MYO9A: variants seen among roughly 807,000 people sequenced by gnomAD.
The protein encoded by MYO9A is myosin IXA.
A neutral mutation model predicts 293.3 loss-of-function variants in MYO9A; 103 were observed. The ratio of observed to expected loss-of-function variants is 0.35; its 90% confidence interval spans 0.30 to 0.41. The LOEUF (loss-of-function observed/expected upper bound fraction) is 0.41, where lower values mean the gene tolerates loss of function less well. MYO9A is among the 10% of genes least tolerant of loss of function. The probability of loss-of-function intolerance (pLI) is 1.00; values close to 1 mark genes in which losing one functional copy is unlikely to be tolerated. For synonymous variants in MYO9A, 1,001 were observed against 1,035.7 expected (o/e 0.97, Z 0.64); for missense variants, 2,685 against 3,033.0 (o/e 0.89, Z 2.69).
At chr15:71,951,555 C>T (rs2059051070) in intron 15 of MYO9A, 1 of 461,410 alleles carries the variant, frequency 2.2e-6, no homozygotes, top group African/African-American at 2.0e-5. Flanking sequence ...ATTAACAATC[C>T]AATGATCACA....
At chr15:72,078,755 A>T (rs568880554) in intron 1 of MYO9A, among the ~76,000 whole-genome samples, 234 of 152,360 alleles carry the variant, frequency 1.5e-3, no homozygotes, top group Non-Finnish European at 3.0e-3. Context: ...AAAGGTGAAT[A>T]AACAAACCCT....
intron 32 of MYO9A, among the ~76,000 whole-genome samples, chr15:71,869,372 A>G (rs147069926): frequency 3.9e-5 from 6 of 152,248 alleles, no homozygotes; most frequent in African/African-American, 1.2e-4. Context: ...TCTGAATCTA[A>G]TCATGAGGAA....
Position 72,094,991 on chromosome 15 carries a change from T to C in MYO9A, c.-72+22689A>G, listed in dbSNP as rs1460072311. Among the ~76,000 whole-genome samples, 2 of 91,804 alleles carry C rather than the reference T, an allele frequency of 2.2e-5. 1 individual carries two copies. The allele number at this position is 91,804 out of a possible 152,430, so 60.2% of individuals were successfully genotyped here. A position where few individuals can be genotyped will look rare whatever the true frequency, so the allele number is the denominator to read the frequency against. ...CCAGCTGTTCCCTGACTCTTTCTTCTCGTTGGGCCTCACTATTGCCTGAAA... is the reference window on the plus strand; with the variant it reads ...CCAGCTGTTCCCTGACTCTTTCTTCCCGTTGGGCCTCACTATTGCCTGAAA... On this transcript the variant is annotated intron_variant, in intron 1 of 41. Transcript: ENST00000356056.
chr15:72,013,559 G>A (rs1404706621), intron 6 of MYO9A, among the ~76,000 whole-genome samples: 1 of 152,138 alleles, frequency 6.6e-6, no homozygotes, highest in Non-Finnish European at 1.5e-5. Context: ...GTTCTTGTTT[G>A]TACTTGATAA....
At position 71,826,626 on chromosome 15, in the gene MYO9A, G is replaced by T; in HGVS notation, c.7601C>A (p.Ser2534Tyr). ...RRKTVDPDCT[S>Y]NQQLALFGNN... The stretch of plus-strand genomic sequence containing the variant: ...TCCAAAGAGTGCTAGCTGTTGGTTG[G>T]AGGTGCAGTCTGGGTCCACAGTTTT... Residue 2534 changes from serine (S) to tyrosine (Y), a missense_variant, in exon 42 of 42, where the codon TCC becomes TAC. Coordinates refer to ENST00000356056, the MANE Select transcript of MYO9A (RefSeq NM_006901.4). 6.2e-7 allele frequency: 1 copy of T among 1,610,136 alleles called. No homozygotes were observed. Among genetic ancestry groups the T allele is most frequent in the Non-Finnish European group, 8.5e-7 (1 of 1,179,042 alleles).
At chr15:71,867,112 T>C (rs1191675523) in intron 32 of MYO9A, among the ~76,000 whole-genome samples, 2 of 146,370 alleles carry the variant, frequency 1.4e-5, no homozygotes, top group Non-Finnish European at 3.0e-5. Flanking sequence ...AAAACAAGCA[T>C]AATGGGAAAT....
chr15:72,110,157 C>T (rs1052809173), intron 1 of MYO9A, among the ~76,000 whole-genome samples: 3 of 150,730 alleles, frequency 2.0e-5, no homozygotes, highest in African/African-American at 7.3e-5. Context: ...AATTCCAGGC[C>T]GGGTGTGGTG....
At position 71,897,448 on chromosome 15, in the gene MYO9A, AC is replaced by A. The variant is rs1464357830; in HGVS notation, c.5042+12del. On this transcript the variant is annotated intron_variant, in intron 25 of 41. Coordinates refer to ENST00000356056, the MANE Select transcript of MYO9A (RefSeq NM_006901.4). ...AAGTTTCCCATTTATACATAAATAA[AC>A]ATTTCACTTACAGGGGAATACTCAT... is the stretch of plus-strand genomic sequence containing the variant. The A allele has an allele frequency of 6.3e-7, 1 of 1,579,880 alleles. No homozygotes were observed. The highest frequency in any genetic ancestry group is 1.8e-5 in the Admixed American group (1 of 55,294).
At chr15:71,950,899 G>A (rs2059033277) in intron 15 of MYO9A, among the ~76,000 whole-genome samples, 2 of 152,188 alleles carry the variant, frequency 1.3e-5, no homozygotes, top group African/African-American at 4.8e-5. Flanking sequence ...AAATTGCTGA[G>A]TTGTCTTTGA....
At chr15:72,113,041 G>A (rs189045380) in intron 1 of MYO9A, among the ~76,000 whole-genome samples, 36 of 152,178 alleles carry the variant, frequency 2.4e-4, no homozygotes, top group African/African-American at 8.7e-4. Flanking sequence ...GACCAGCCTG[G>A]GCAACACAGT....
At chr15:72,001,801 A>G (rs1190100942) in intron 8 of MYO9A, among the ~76,000 whole-genome samples, 2 of 152,180 alleles carry the variant, frequency 1.3e-5, no homozygotes, top group Non-Finnish European at 2.9e-5. Context: ...AAACGCAGTA[A>G]AGCCAAAAAT....
At chr15:72,052,107 C>T (rs2078583925) in intron 1 of MYO9A, among the ~76,000 whole-genome samples, 1 of 152,144 alleles carries the variant, frequency 6.6e-6, no homozygotes, top group Admixed American at 6.5e-5. Flanking sequence ...AGAAAAGGTG[C>T]CCACCCCAGG....
chr15:72,107,108 G>A (rs539697877), intron 1 of MYO9A, among the ~76,000 whole-genome samples: 1 of 152,294 alleles, frequency 6.6e-6, no homozygotes, highest in African/African-American at 2.4e-5. Context: ...AGGAAGAAGA[G>A]TAGGGAGAAG....
intron 1 of MYO9A, among the ~76,000 whole-genome samples, chr15:72,074,633 T>A (rs1315932019): frequency 6.6e-6 from 1 of 152,142 alleles, no homozygotes; most frequent in Non-Finnish European, 1.5e-5. Flanking sequence ...TTTAATAGAG[T>A]ATACATCAAT....
At chr15:72,004,946 T>A (rs1400686053) in intron 8 of MYO9A, among the ~76,000 whole-genome samples, 1 of 152,186 alleles carries the variant, frequency 6.6e-6, no homozygotes, top group East Asian at 1.9e-4. Context: ...AAATCACAAC[T>A]AAAGAGTCTG....
At chr15:72,100,256 C>T (rs1416981588) in intron 1 of MYO9A, among the ~76,000 whole-genome samples, 4 of 152,126 alleles carry the variant, frequency 2.6e-5, no homozygotes, top group African/African-American at 9.7e-5. Context: ...GTGGCTCACA[C>T]CTGGAATCCC....
At chr15:72,066,600 C>T (rs974159153) in intron 1 of MYO9A, among the ~76,000 whole-genome samples, 2 of 151,950 alleles carry the variant, frequency 1.3e-5, no homozygotes, top group Non-Finnish European at 2.9e-5. Flanking sequence ...GATACAGACA[C>T]CAGAAGCATG....
chr15:71,851,749 A>C (rs1434837361), intron 36 of MYO9A, among the ~76,000 whole-genome samples: 1 of 152,164 alleles, frequency 6.6e-6, no homozygotes, highest in African/African-American at 2.4e-5. Context: ...AAACTCTGAA[A>C]CCTGTTAAGC....
chr15:71,912,253 GAA>G (rs1271841364), intron 19 of MYO9A, among the ~76,000 whole-genome samples: 2 of 148,934 alleles, frequency 1.3e-5, no homozygotes, highest in Non-Finnish European at 3.0e-5. Context: ...TTTAAAAAGA[GAA>G]AAGTTTTTTT....
Sources: allele counts gnomAD v4.1 joint callset (sites outside exome capture counted in the v4.1 genomes callset), GRCh38; gene constraint gnomAD v4.1.1; transcripts MANE v1.5; gene names NCBI Gene and HGNC (gene_info 2026-07-23, HGNC 2026-07-21).